The following LRRC57 variants were observed in gnomAD, a reference collection of about 807,000 sequenced individuals.
The protein encoded by LRRC57 is leucine-rich repeat-containing protein 57.
Under a neutral mutation model 23.1 loss-of-function variants are expected in LRRC57, and 14 were observed. That is an observed-to-expected ratio of 0.61 (90% CI 0.40 to 0.95). The LOEUF is 0.95. Ranked by LOEUF, LRRC57 falls within the 40% of genes least tolerant of loss-of-function variation. The probability of loss-of-function intolerance (pLI) is 0.00; values close to 1 mark genes in which losing one functional copy is unlikely to be tolerated. For synonymous variants in LRRC57, 106 were observed against 115.2 expected, an observed-to-expected ratio of 0.92 and a Z score of 0.51; for missense variants, 236 against 284.4, an observed-to-expected ratio of 0.83 and a Z score of 1.22.
the LRRC57 span, among the ~76,000 whole-genome samples, chr15:42,529,317 T>C: frequency 6.6e-6 from 1 of 152,212 alleles, no homozygotes; most frequent in Non-Finnish European, 1.5e-5. Flanking sequence ...CTTGAGGGGC[T>C]TATTAAACCG....
the LRRC57 span, chr15:42,531,301 C>A: frequency 1.6e-6 from 1 of 610,696 alleles, no homozygotes; most frequent in Non-Finnish European, 2.7e-6. Context: ...TGTAATGTAA[C>A]TTCACGTGGT....
Position 42,545,206 on chromosome 15 carries a change from C to CAGGCGAAGAATTTTA in LRRC57, c.534_548dup (p.Lys179_Leu183dup), listed in dbSNP as rs2057653319. 6.2e-7 allele frequency: 1 copy of CAGGCGAAGAATTTTA among 1,608,306 alleles called. No homozygotes were observed. The highest frequency in any genetic ancestry group is 8.5e-7 in the Non-Finnish European group (1 of 1,177,834). On this transcript the variant is annotated inframe_insertion, in exon 5 of 6. Coordinates refer to ENST00000397130, the MANE Select transcript of LRRC57 (RefSeq NM_153260.3). Reference sequence around the variant, plus strand: ...TGCTGAGCTCAAGACAATTCTCTTCCAGGCGAAGAATTTTAAGGCGTGGAC... The same window carrying CAGGCGAAGAATTTTA: ...TGCTGAGCTCAAGACAATTCTCTTCCAGGCGAAGAATTTTAAGGCGAAGAATTTTAAGGCGTGGAC...
Position 42,548,471 on chromosome 15 carries a change from C to T in LRRC57, c.-22-15G>A. On this transcript the variant is annotated splice_polypyrimidine_tract_variant and intron_variant, in intron 1 of 5. Coordinates refer to ENST00000397130, the MANE Select transcript of LRRC57 (RefSeq NM_153260.3). ...GGCTCAGGTCCCTGCGGGAAGGAAG[C>T]GCTGCTGTCACCGCCCAGTCCACCC... 6.2e-7 allele frequency: 1 copy of T among 1,605,748 alleles called. No homozygotes were observed. The highest frequency in any genetic ancestry group is 8.5e-7 in the Non-Finnish European group (1 of 1,176,896).
At chr15:42,545,917 T>G (rs1275382428) in intron 4 of LRRC57, among the ~76,000 whole-genome samples, 1 of 152,190 alleles carries the variant, frequency 6.6e-6, no homozygotes, top group African/African-American at 2.4e-5. Flanking sequence ...TGTTATGACC[T>G]CAAGATCTGT....
the LRRC57 span, among the ~76,000 whole-genome samples, chr15:42,528,953 A>G: frequency 2.6e-5 from 4 of 152,316 alleles, no homozygotes; most frequent in South Asian, 8.3e-4. Flanking sequence ...ACTTTTCAGT[A>G]CTTTCCAAAT....
Position 42,541,349 on chromosome 15 carries a change from C to T in LRRC57, c.*2734G>A, listed in dbSNP as rs1269513360. ...TGAAACCCTGTCTCTACTAAAAATA[C>T]AAAAATGAGCTGGGTGTGGTGGTGC... On this transcript the variant is annotated 3_prime_UTR_variant, in exon 6 of 6. Coordinates refer to ENST00000397130, the MANE Select transcript of LRRC57 (RefSeq NM_153260.3). 1.3e-5 allele frequency: 2 copies of T among 152,008 alleles called. No homozygotes were observed. The highest frequency in any genetic ancestry group is 6.6e-5 in the Admixed American group (1 of 15,258). 9.4% of individuals were successfully genotyped at this position (152,008 alleles called of 1,614,324 possible).
chr15:42,544,094 T>A lies in LRRC57; in HGVS notation c.709A>T (p.Lys237Ter). ...AGTCCTGGAGAACTTCACGCAAACT[T>A]CTTCTTGGTGGCTGTGAACCTCTCC... ...YMERFTATKK[K>*]FA Residue 237 changes from lysine to a stop codon, truncating the protein, a stop_gained, in exon 6 of 6, where the codon AAG becomes TAG. Transcript: ENST00000397130. LOFTEE classifies it high-confidence loss of function. 3.1e-6 allele frequency: 5 copies of A among 1,613,094 alleles called. No homozygotes were observed. Among genetic ancestry groups the A allele is most frequent in the Non-Finnish European group, 4.2e-6 (5 of 1,179,416 alleles).
chr15:42,540,700 TTAA>T lies in LRRC57; in HGVS notation c.*3380_*3382del, dbSNP rs2057624472. The T allele has an allele frequency of 1.3e-5, 2 of 152,202 alleles. No individual in the cohort carries two copies. Among genetic ancestry groups the T allele is most frequent in the East Asian group, 3.8e-4 (2 of 5,200 alleles). 9.4% of individuals were successfully genotyped at this position (152,202 alleles called of 1,614,324 possible). A position where few individuals can be genotyped will look rare whatever the true frequency, so the allele number is the denominator to read the frequency against. ...GATAAGAGTGTGGATTAAACTCCAA[TTAA>T]TAATTAAATGGGAACATTTAAATTG... On this transcript the variant is annotated 3_prime_UTR_variant, in exon 6 of 6. Coordinates refer to ENST00000397130, the MANE Select transcript of LRRC57 (RefSeq NM_153260.3).
downstream of LRRC57, among the ~76,000 whole-genome samples, chr15:42,536,549 G>A (rs73404775): frequency 0.047 from 7,219 of 152,240 alleles, 574 homozygotes; most frequent in African/African-American, 0.16. Context: ...CATAAGTGAG[G>A]TCCATAAATG....
At position 42,542,393 on chromosome 15, in the gene LRRC57, G is replaced by A. The variant is rs1566825258; in HGVS notation, c.*1690C>T. The A allele has an allele frequency of 6.6e-6, 1 of 152,174 alleles. No individual in the cohort carries two copies. Among genetic ancestry groups the A allele is most frequent in the Non-Finnish European group, 1.5e-5 (1 of 68,032 alleles). The allele number at this position is 152,174 out of a possible 1,614,324, so 9.4% of individuals were successfully genotyped here. ...AGTTCTAGTATCACAAAATGTTTAT[G>A]TCACATGAAGGCATTTCACTACTCA... On this transcript the variant is annotated 3_prime_UTR_variant, in exon 6 of 6. Coordinates refer to ENST00000397130, the MANE Select transcript of LRRC57 (RefSeq NM_153260.3).
At chr15:42,547,702 G>A (rs2057668060) in intron 3 of LRRC57, 173 bp from the exon 4 acceptor site, 3 of 647,374 alleles carry the variant, frequency 4.6e-6, no homozygotes, top group Non-Finnish European at 7.8e-6. Context: ...TAGAAGGTGA[G>A]GGTGCCATCA....
chr15:42,544,342 C>T (rs530336943), intron 5 of LRRC57, among the ~76,000 whole-genome samples: 1 of 151,534 alleles, frequency 6.6e-6, no homozygotes, highest in South Asian at 2.1e-4. Flanking sequence ...GTAGGTGGAT[C>T]GCTTGAGCCT....
the LRRC57 span, chr15:42,531,619 C>A: frequency 3.6e-6 from 2 of 549,722 alleles, no homozygotes; most frequent in Non-Finnish European, 6.2e-6. Context: ...GCAGTTACAG[C>A]CCTCCTTCTT....
Position 42,545,253 on chromosome 15 carries a change from T to G in LRRC57, c.502A>C (p.Ile168Leu). The G allele has an allele frequency of 6.4e-7, 1 of 1,565,170 alleles. No homozygotes were observed. Residue 168 changes from isoleucine (I) to leucine (L), a missense_variant, in exon 5 of 6, where the codon ATC becomes CTC. By Grantham distance (5) the Ile-to-Leu change is conservative (BLOSUM62 2). Coordinates refer to ENST00000397130, the MANE Select transcript of LRRC57 (RefSeq NM_153260.3). ...GGACAGCAAGATATCTTCACTGAGA[T>G]CTGAGATATCTATTGAAAAACCACA... ...LNLNQNQISQ[I>L]SVKISCCPRL... is the part of the protein sequence containing the mutation.
intron 4 of LRRC57, among the ~76,000 whole-genome samples, chr15:42,545,733 T>A (rs375856094): frequency 5.9e-5 from 9 of 152,202 alleles, no homozygotes; most frequent in East Asian, 5.8e-4. Flanking sequence ...TATCTATCCC[T>A]TCCTTAAAAC....
chr15:42,536,751 A>G (rs1178737014), downstream of LRRC57, among the ~76,000 whole-genome samples: 1 of 152,186 alleles, frequency 6.6e-6, no homozygotes. Context: ...AAAGGTAGTA[A>G]ATGGTTAACA....
Position 42,543,222 on chromosome 15 carries a change from C to T in LRRC57, c.*861G>A, listed in dbSNP as rs2057640008. The T allele has an allele frequency of 6.7e-6, 1 of 149,312 alleles. No homozygotes were observed. The highest frequency in any genetic ancestry group is 1.5e-5 in the Non-Finnish European group (1 of 67,548). 9.2% of individuals were successfully genotyped at this position (149,312 alleles called of 1,614,324 possible). A position where few individuals can be genotyped will look rare whatever the true frequency, so the allele number is the denominator to read the frequency against. ...TATTTTTTATTTTTTTAATTTGAGA[C>T]AGAGTCTCACTCTGTCACCCACGCT... On this transcript the variant is annotated 3_prime_UTR_variant, in exon 6 of 6. Transcript: ENST00000397130.
Position 42,543,726 on chromosome 15 carries a change from T to C in LRRC57, c.*357A>G, listed in dbSNP as rs2057642538. 4.9e-6 allele frequency: 1 copy of C among 206,106 alleles called. No individual in the cohort carries two copies. The highest frequency in any genetic ancestry group is 1.8e-4 in the South Asian group (1 of 5,658). 12.8% of individuals were successfully genotyped at this position (206,106 alleles called of 1,614,324 possible). On this transcript the variant is annotated 3_prime_UTR_variant, in exon 6 of 6. Transcript: ENST00000397130. Reference sequence around the variant, plus strand: ...GCTCACACAGTGAAACTAAACAAAATCTCAAGCTGTGGTGTGGAGCTATTC... The same window carrying C: ...GCTCACACAGTGAAACTAAACAAAACCTCAAGCTGTGGTGTGGAGCTATTC...
chr15:42,546,237 G>A (rs2057657750), intron 4 of LRRC57, among the ~76,000 whole-genome samples: 1 of 152,122 alleles, frequency 6.6e-6, no homozygotes, highest in Non-Finnish European at 1.5e-5. Flanking sequence ...AGCCCTACTG[G>A]ATCAGAAACA....
Sources: gnomAD v4.1 joint callset for allele counts (sites outside exome capture counted in the v4.1 genomes callset) on GRCh38, gnomAD v4.1.1 for gene constraint, MANE v1.5 for transcripts, NCBI Gene and HGNC (gene_info 2026-07-23, HGNC 2026-07-21) for gene names.